NCOR1: variants seen among roughly 807,000 people sequenced by gnomAD.
The protein encoded by NCOR1 is protein phosphatase 1, regulatory subunit 109.
Under a neutral mutation model 288.1 loss-of-function variants are expected in NCOR1, and 63 were observed. The ratio of observed to expected loss-of-function variants is 0.22; its 90% CI spans 0.18 to 0.27. The LOEUF is 0.27. Ranked by LOEUF, NCOR1 falls within the 10% of genes least tolerant of loss-of-function variation. The pLI is 1.00. For missense variants in NCOR1, 2,397 were observed against 3,019.2 expected (o/e 0.79, Z 4.83); for synonymous variants, 1,007 against 1,065.9 (o/e 0.94, Z 1.08).
chr17:16,177,299 T>G (rs8077949), intron 3 of NCOR1, among the ~76,000 whole-genome samples: 7,572 of 152,128 alleles, frequency 0.05, 278 homozygotes, highest in African/African-American at 0.094. Context: ...CTTATTTATA[T>G]TATTAAGTTC....
At chr17:16,175,517 T>C (rs1291859723) in intron 3 of NCOR1, among the ~76,000 whole-genome samples, 2 of 152,154 alleles carry the variant, frequency 1.3e-5, no homozygotes, top group Admixed American at 6.5e-5. Flanking sequence ...ACTTTATCAT[T>C]CGAACTTTAA....
chr17:16,079,251 G>C (rs552641395), intron 26 of NCOR1, among the ~76,000 whole-genome samples: 1 of 152,194 alleles, frequency 6.6e-6, no homozygotes, highest in Non-Finnish European at 1.5e-5. Context: ...TCCTGGTGTG[G>C]GGATCATACT....
intron 4 of NCOR1, 22 bp downstream of exon 4, chr17:16,171,781 G>T (rs2083185017): frequency 6.5e-7 from 1 of 1,534,470 alleles, no homozygotes. Flanking sequence ...CAACTCTACA[G>T]GGTAAGAGAA....
chr17:16,083,430 C>T (rs1013745485), intron 23 of NCOR1, among the ~76,000 whole-genome samples: 2 of 151,820 alleles, frequency 1.3e-5, no homozygotes, highest in Non-Finnish European at 2.9e-5. Context: ...ACATACAAAT[C>T]TCTAAAGTGA....
intron 40 of NCOR1, chr17:16,057,141 CCTT>C (rs1369459256): frequency 4.9e-6 from 1 of 203,008 alleles, no homozygotes; most frequent in East Asian, 1.3e-4. Flanking sequence ...GCCAATATCA[CCTT>C]CTTAAACTTC....
At chr17:16,032,738 G>A (rs1972411508) in intron 45 of NCOR1, among the ~76,000 whole-genome samples, 1 of 152,246 alleles carries the variant, frequency 6.6e-6, no homozygotes, top group Non-Finnish European at 1.5e-5. Flanking sequence ...GAGCCCAGAA[G>A]AGAAAGCCCA....
chr17:16,087,716 A>T (rs1181587407), intron 22 of NCOR1, among the ~76,000 whole-genome samples: 1 of 152,236 alleles, frequency 6.6e-6, no homozygotes, highest in Non-Finnish European at 1.5e-5. Flanking sequence ...CACAAGTCTT[A>T]TAATTAGCCT....
At position 16,064,981 on chromosome 17, in the gene NCOR1, C is replaced by G. The variant is rs753050270; in HGVS notation, c.4990G>C (p.Val1664Leu). 9 of 1,613,854 alleles carry G rather than the reference C, an allele frequency of 5.6e-6. No individual in the cohort carries two copies. In the South Asian group the frequency reaches 9.9e-5, roughly 18 times the overall value. Residue 1664 changes from valine to leucine, a missense_variant, in exon 34 of 46, where the codon GTG (valine) becomes CTG (leucine). This residue lies in a region of NCOR1 where 1,872 missense variants were observed against 2,187.8 expected (regional missense o/e 0.86). Coordinates refer to ENST00000268712, the MANE Select transcript of NCOR1 (RefSeq NM_006311.4). ...DLTNMPPTIL[V>L]PHPGGTSTPP... The stretch of plus-strand genomic sequence containing the variant: ...GTGCTTGTTCCCCCTGGATGAGGCA[C>G]TAAAATTGTTGGAGGCATATTGGTC...
chr17:16,170,381 G>C (rs940799852), intron 4 of NCOR1, among the ~76,000 whole-genome samples: 1 of 151,752 alleles, frequency 6.6e-6, no homozygotes, highest in Non-Finnish European at 1.5e-5. Context: ...AAAGACACTG[G>C]GAAAAATATT....
intron 1 of NCOR1, among the ~76,000 whole-genome samples, chr17:16,199,208 A>ACACACACACAC (rs1568639295): frequency 1.8e-5 from 2 of 109,192 alleles, no homozygotes; most frequent in African/African-American, 7.5e-5. Context: ...CAGAAGGAAA[A>ACACACACACAC]AAAAAAAAAC....
Position 16,072,241 on chromosome 17 carries a change from G to C in NCOR1, c.3812-13C>G, listed in dbSNP as rs765347415. On this transcript the variant is annotated splice_polypyrimidine_tract_variant and intron_variant, in intron 28 of 45. Transcript: ENST00000268712. ...CGGCATATCAGCCCTTCCAAAACAA[G>C]AAAGCAATTCAATTATTCAACATAA... is the stretch of plus-strand genomic sequence containing the variant. 2 of 1,592,866 alleles carry C rather than the reference G, an allele frequency of 1.3e-6. No homozygotes were observed. The highest frequency in any genetic ancestry group is 1.7e-6 in the Non-Finnish European group (2 of 1,163,802).
In NCOR1 at chr17:16,040,487, A is replaced by C; in HGVS notation, c.6687T>G (p.Ala2229=). Reference sequence around the variant, plus strand: ...GATTAAAGATCTCAGTTCCTGGCTGAGCAGCTGCTATATTTAAGCAAACAT... The same window carrying C: ...GATTAAAGATCTCAGTTCCTGGCTGCGCAGCTGCTATATTTAAGCAAACAT... The part of the protein sequence containing the change: ...SGGGDSDMAA[A]QPGTEIFNLP... Residue 2229 remains alanine (A), a synonymous_variant, in exon 43 of 46, where the codon GCT becomes GCG. Transcript: ENST00000268712. 1 of 1,613,486 alleles carries C rather than the reference A, an allele frequency of 6.2e-7. No individual in the cohort carries two copies. Among genetic ancestry groups the C allele is most frequent in the Middle Eastern group, 1.7e-4 (1 of 6,020 alleles).
rs139066554 is a variant in NCOR1 at position 16,072,961 on chromosome 17, G to A, written c.3811+468C>T. ...CTAACCCTCACACAGTGTTAGGTACGATCCCTTAATTTACAGAGGAAGAAA... is the reference window on the plus strand; with the variant it reads ...CTAACCCTCACACAGTGTTAGGTACAATCCCTTAATTTACAGAGGAAGAAA... On this transcript the variant is annotated intron_variant, in intron 28 of 45. Transcript: ENST00000268712. Among the ~76,000 whole-genome samples the A allele has an allele frequency of 2.7e-3, 416 of 152,262 alleles. 2 individuals carry two copies. Among genetic ancestry groups the A allele is most frequent in the African/African-American group, 9.5e-3 (394 of 41,544 alleles).
chr17:16,039,780 C>T, intron 43 of NCOR1, 126 bp from the exon 44 acceptor site: 3 of 826,498 alleles, frequency 3.6e-6, no homozygotes, highest in South Asian at 3.4e-5. Flanking sequence ...AATACCAGGA[C>T]CCACCACACA....
At chr17:16,196,871 G>T (rs1005126021) in intron 1 of NCOR1, among the ~76,000 whole-genome samples, 1 of 150,392 alleles carries the variant, frequency 6.6e-6, no homozygotes, top group Non-Finnish European at 1.5e-5. Flanking sequence ...AAAATAATTA[G>T]TCAGGCATGG....
chr17:16,212,349 T>C (rs945724288), intron 1 of NCOR1, among the ~76,000 whole-genome samples: 3 of 152,250 alleles, frequency 2.0e-5, no homozygotes, highest in Admixed American at 6.5e-5. Context: ...CTATATTTTA[T>C]AACTTTCTAG....
Position 16,039,615 on chromosome 17 carries a change from G to T in NCOR1, c.6773C>A (p.Ala2258Asp). The change falls in exon 44 of 46, where the codon GCC becomes GAC. Residue 2258 changes from alanine to aspartate, a missense_variant. By Grantham distance (126) the Ala-to-Asp change is moderately radical (BLOSUM62 -2). Coordinates refer to ENST00000268712, the MANE Select transcript of NCOR1 (RefSeq NM_006311.4). ...SSRGHSFADPASNLGLEDIIR... is the reference protein window; with the variant it reads ...SSRGHSFADPDSNLGLEDIIR... Reference sequence around the variant, plus strand: ...AATGTCTTCCAGCCCAAGATTACTGGCAGGATCAGCAAAAGAATGGCCTCT... The same window carrying T: ...AATGTCTTCCAGCCCAAGATTACTGTCAGGATCAGCAAAAGAATGGCCTCT... The T allele has an allele frequency of 6.2e-7, 1 of 1,614,022 alleles. No individual in the cohort carries two copies. The highest frequency in any genetic ancestry group is 8.5e-7 in the Non-Finnish European group (1 of 1,179,974).
In NCOR1 at chr17:16,157,766, C is replaced by A. The variant is rs2080057223; in HGVS notation, c.732+994G>T. Among the ~76,000 whole-genome samples, 5 of 150,924 alleles carry A rather than the reference C, an allele frequency of 3.3e-5. 1 individual carries two copies. The South Asian group carries it at 1.1e-3, about 33-fold the overall frequency. On this transcript the variant is annotated intron_variant, in intron 6 of 45. Coordinates refer to ENST00000268712, the MANE Select transcript of NCOR1 (RefSeq NM_006311.4). ...TTCTGGAAGCCCACTGTTAAACAGA[C>A]ACTTTCTTCATGTTGAGGTAAAATC...
At chr17:16,167,465 T>A (rs1383204968) in intron 4 of NCOR1, among the ~76,000 whole-genome samples, 9 of 150,718 alleles carry the variant, frequency 6.0e-5, no homozygotes, top group Non-Finnish European at 7.4e-5. Context: ...TAAAAAAAAA[T>A]AATAATAAAG....
Sources: allele counts gnomAD v4.1 joint callset (sites outside exome capture counted in the v4.1 genomes callset), GRCh38; gene constraint gnomAD v4.1.1; regional missense constraint gnomAD v4.1.1; transcripts MANE v1.5; gene names NCBI Gene and HGNC (gene_info 2026-07-23, HGNC 2026-07-21).